CLMP: variants seen among roughly 807,000 people sequenced by gnomAD.
CLMP encodes the protein CXADR-like membrane protein.
Under a neutral mutation model 45.2 loss-of-function variants are expected in CLMP, and 27 were observed. The observed-to-expected ratio is 0.60, with a 90% CI of 0.44 to 0.82. The LOEUF (loss-of-function observed/expected upper bound fraction) is 0.82. Ranked by LOEUF, CLMP falls within the 40% of genes least tolerant of loss-of-function variation. The pLI, the probability that CLMP is intolerant of heterozygous loss-of-function variation, is 0.00. For missense variants in CLMP, 403 were observed against 448.4 expected (o/e 0.90, Z 0.91); for synonymous variants, 167 against 171.4 (o/e 0.97, Z 0.20).
intron 1 of CLMP, among the ~76,000 whole-genome samples, chr11:123,173,793 A>G (rs1861665645): frequency 1.3e-5 from 2 of 152,170 alleles, no homozygotes; most frequent in South Asian, 4.1e-4. Context: ...AAAAAATTCC[A>G]GGCCTGGGCT....
intron 1 of CLMP, among the ~76,000 whole-genome samples, chr11:123,187,831 C>T (rs1337034507): frequency 6.6e-6 from 1 of 152,106 alleles, no homozygotes; most frequent in Non-Finnish European, 1.5e-5. Flanking sequence ...TGGCTGAATG[C>T]CAAGGATGCA....
chr11:123,074,010 T>C (rs1035421292), intron 6 of CLMP, among the ~76,000 whole-genome samples: 3 of 152,162 alleles, frequency 2.0e-5, no homozygotes, highest in Non-Finnish European at 4.4e-5. Context: ...GACCTTACCA[T>C]TGAGATGGTC....
chr11:123,165,291 C>T (rs1268290265), intron 1 of CLMP, among the ~76,000 whole-genome samples: 1 of 152,192 alleles, frequency 6.6e-6, no homozygotes. Context: ...AAGTTTGAAT[C>T]CCAGCTCCAC....
chr11:123,162,661 C>G (rs970107686), intron 1 of CLMP, among the ~76,000 whole-genome samples: 2 of 151,512 alleles, frequency 1.3e-5, no homozygotes, highest in Admixed American at 1.3e-4. Context: ...TTTGGGAGGT[C>G]AAGGTGGGCG....
intron 1 of CLMP, among the ~76,000 whole-genome samples, chr11:123,190,458 A>G (rs1861894731): frequency 6.6e-6 from 1 of 152,228 alleles, no homozygotes; most frequent in Admixed American, 6.5e-5. Context: ...AAACTTAGAG[A>G]TAACCTTAAT....
chr11:123,172,774 C>T (rs1362744886), intron 1 of CLMP, among the ~76,000 whole-genome samples: 1 of 152,200 alleles, frequency 6.6e-6, no homozygotes, highest in Non-Finnish European at 1.5e-5. Context: ...GTGTGAGCCA[C>T]CACATCCAGC....
At chr11:123,178,119 C>T (rs1861723511) in intron 1 of CLMP, among the ~76,000 whole-genome samples, 1 of 151,988 alleles carries the variant, frequency 6.6e-6, no homozygotes, top group Non-Finnish European at 1.5e-5. Flanking sequence ...CCCGCCTCAG[C>T]CTCCCAAAGT....
chr11:123,138,558 G>C (rs1376415431), intron 1 of CLMP, among the ~76,000 whole-genome samples: 2 of 151,894 alleles, frequency 1.3e-5, no homozygotes, highest in African/African-American at 2.4e-5. Flanking sequence ...TTTTGATGTA[G>C]AGTCCAAATC....
intron 1 of CLMP, among the ~76,000 whole-genome samples, chr11:123,155,550 G>A (rs1861401870): frequency 6.6e-6 from 1 of 152,158 alleles, no homozygotes; most frequent in Admixed American, 6.5e-5. Context: ...AGCTCAGAGG[G>A]GTTAGTTTTG....
chr11:123,167,968 C>T (rs1861581070), intron 1 of CLMP, among the ~76,000 whole-genome samples: 2 of 152,048 alleles, frequency 1.3e-5, no homozygotes, highest in South Asian at 2.1e-4. Flanking sequence ...GACAGACAGA[C>T]AGACAGACAG....
intron 4 of CLMP, 48 bp downstream of exon 4, chr11:123,083,632 T>TC: frequency 1.3e-6 from 2 of 1,586,462 alleles, no homozygotes; most frequent in Non-Finnish European, 1.7e-6. Flanking sequence ...AGCTCACGGA[T>TC]AGAGGACTAT....
chr11:123,172,480 T>C (rs907376025), intron 1 of CLMP, among the ~76,000 whole-genome samples: 4 of 152,060 alleles, frequency 2.6e-5, no homozygotes, highest in African/African-American at 9.7e-5. Flanking sequence ...ACTTTTATTG[T>C]TTATTTATTT....
intron 1 of CLMP, chr11:123,136,411 G>C: frequency 2.1e-6 from 1 of 469,232 alleles, no homozygotes; most frequent in East Asian, 5.1e-5. Context: ...CAGTTCTAGG[G>C]TGGTCCCCCC....
At position 123,073,228 on chromosome 11, in the gene CLMP, C is replaced by T. The variant is rs1865694415; in HGVS notation, c.*246G>A. 5.0e-6 allele frequency: 2 copies of T among 398,148 alleles called. No individual in the cohort carries two copies. Among genetic ancestry groups the T allele is most frequent in the Non-Finnish European group, 4.5e-6 (1 of 224,662 alleles). 24.7% of individuals were successfully genotyped at this position (398,148 alleles called of 1,614,324 possible). ...CTGGTCAACAAATAGATTTGGACTC[C>T]TGCTTTCCCTTACTCTGGTCTAAAG... On this transcript the variant is annotated 3_prime_UTR_variant, in exon 7 of 7. Transcript: ENST00000448775.
intron 1 of CLMP, among the ~76,000 whole-genome samples, chr11:123,129,105 C>T (rs1860943220): frequency 6.6e-6 from 1 of 151,986 alleles, no homozygotes. Flanking sequence ...GGTGGATCAC[C>T]TGAGGTCAGG....
At position 123,173,982 on chromosome 11, in the gene CLMP, C is replaced by A. The variant is rs58327061; in HGVS notation, c.28+20931G>T. On this transcript the variant is annotated intron_variant, in intron 1 of 6. Coordinates refer to ENST00000448775, the MANE Select transcript of CLMP (RefSeq NM_024769.5). Reference sequence around the variant, plus strand: ...CCTGTAGTCCCAGCTACTTGGGAGGCTGAGGTGGGAGGACCACCTGAGTCT... The same window carrying A: ...CCTGTAGTCCCAGCTACTTGGGAGGATGAGGTGGGAGGACCACCTGAGTCT... Among the ~76,000 whole-genome samples, 1,443 of 152,188 alleles carry A rather than the reference C, an allele frequency of 9.5e-3. 23 individuals carry two copies. Among genetic ancestry groups the A allele is most frequent in the African/African-American group, 0.033 (1,359 of 41,500 alleles).
At chr11:123,073,908 G>C in intron 6 of CLMP, 134 bp from the exon 7 acceptor site, 1 of 814,902 alleles carries the variant, frequency 1.2e-6, no homozygotes, top group South Asian at 1.8e-5. Flanking sequence ...AGGGTCATAG[G>C]TGCTTCCTCG....
chr11:123,120,444 TA>T (rs1462421995), intron 1 of CLMP, among the ~76,000 whole-genome samples: 4 of 152,148 alleles, frequency 2.6e-5, no homozygotes, highest in Non-Finnish European at 5.9e-5. Flanking sequence ...TGGATGGCAT[TA>T]TAAGATAATT....
At chr11:123,088,210 G>A (rs1865887621) in intron 2 of CLMP, among the ~76,000 whole-genome samples, 2 of 152,038 alleles carry the variant, frequency 1.3e-5, no homozygotes, top group South Asian at 4.1e-4. Context: ...ATGCCCAGCT[G>A]GAAGGGTAGG....
Sources: gnomAD v4.1 joint callset for allele counts (sites outside exome capture counted in the v4.1 genomes callset) on GRCh38, gnomAD v4.1.1 for gene constraint, MANE v1.5 for transcripts, NCBI Gene and HGNC (gene_info 2026-07-23, HGNC 2026-07-21) for gene names.